The following CDK5RAP2 variants were observed in gnomAD, a reference collection of about 807,000 sequenced individuals.
CDK5RAP2 encodes CDK5 regulatory subunit associated protein 2.
Under a neutral mutation model 232.9 loss-of-function variants are expected in CDK5RAP2, and 147 were observed. The observed-to-expected ratio is 0.63, with a 90% CI of 0.55 to 0.72. The LOEUF (loss-of-function observed/expected upper bound fraction) is 0.72. CDK5RAP2 is among the 30% of genes least tolerant of loss of function. The probability of loss-of-function intolerance (pLI) is 0.00; values close to 1 mark genes in which losing one functional copy is unlikely to be tolerated. For missense variants in CDK5RAP2, 2,195 were observed against 2,231.5 expected, an observed-to-expected ratio of 0.98 and a Z score of 0.33; for synonymous variants, 833 against 833.7, an observed-to-expected ratio of 1.00 and a Z score of 0.01.
chr9:120,559,543 G>T, intron 3 of CDK5RAP2, among the ~76,000 whole-genome samples: 1 of 128,010 alleles, frequency 7.8e-6, no homozygotes, highest in African/African-American at 2.9e-5. Context: ...TTTTTCTCAT[G>T]TGTACTTTTC....
intron 21 of CDK5RAP2, among the ~76,000 whole-genome samples, chr9:120,451,484 C>T (rs1033521727): frequency 2.6e-5 from 4 of 152,128 alleles, no homozygotes; most frequent in Non-Finnish European, 5.9e-5. Flanking sequence ...CTTGTCTCAC[C>T]CTCGGGCTGC....
At chr9:120,525,986 A>G (rs1484296896) in intron 10 of CDK5RAP2, among the ~76,000 whole-genome samples, 3 of 152,120 alleles carry the variant, frequency 2.0e-5, no homozygotes, top group African/African-American at 7.2e-5. Context: ...CTCCTTAGCA[A>G]CACCCCCAGT....
At chr9:120,396,846 A>T (rs1415919768) in intron 35 of CDK5RAP2, among the ~76,000 whole-genome samples, 3 of 152,246 alleles carry the variant, frequency 2.0e-5, no homozygotes, top group Admixed American at 6.5e-5. Flanking sequence ...TTCATTTTAT[A>T]GGATGAATAT....
At chr9:120,565,727 C>A (rs1936228918) in intron 3 of CDK5RAP2, among the ~76,000 whole-genome samples, 1 of 152,164 alleles carries the variant, frequency 6.6e-6, no homozygotes, top group South Asian at 2.1e-4. Flanking sequence ...CCAAACCGTA[C>A]CTGTCCCTGA....
At chr9:120,408,992 G>A in intron 30 of CDK5RAP2, 135 bp downstream of exon 30, 1 of 800,606 alleles carries the variant, frequency 1.2e-6, no homozygotes, top group Admixed American at 2.0e-5. Context: ...AGGCGCACCA[G>A]ACGTACAATG....
intron 12 of CDK5RAP2, among the ~76,000 whole-genome samples, chr9:120,516,115 C>T (rs2040325182): frequency 6.6e-6 from 1 of 151,982 alleles, no homozygotes; most frequent in African/African-American, 2.4e-5. Flanking sequence ...TGGAACCAAC[C>T]CAAATGTCCA....
Position 120,579,943 on chromosome 9 carries a change from G to A in CDK5RAP2, c.36C>T (p.Val12=), listed in dbSNP as rs755732941. ...MDLVLEEDVT[V]PGTLSGCSGL... is the part of the protein sequence containing the mutation. ...ACCTGCAGCCGCTGAGCGTCCCAGGGACGGTGACGTCCTCTTCCAACACCA... is the reference window on the plus strand; with the variant it reads ...ACCTGCAGCCGCTGAGCGTCCCAGGAACGGTGACGTCCTCTTCCAACACCA... Residue 12 remains valine (V), a synonymous_variant, in exon 1 of 38, where the codon GTC becomes GTT. Transcript: ENST00000349780. 5.0e-6 allele frequency: 8 copies of A among 1,613,594 alleles called. No homozygotes were observed. Among genetic ancestry groups the A allele is most frequent in the Middle Eastern group, 1.6e-4 (1 of 6,062 alleles).
intron 20 of CDK5RAP2, 125 bp from the exon 21 acceptor site, chr9:120,453,998 G>A (rs1272938851): frequency 1.4e-5 from 14 of 971,486 alleles, no homozygotes; most frequent in Non-Finnish European, 2.1e-5. Flanking sequence ...AATACAGTGT[G>A]TACCCACAAC....
intron 25 of CDK5RAP2, among the ~76,000 whole-genome samples, chr9:120,435,629 G>A (rs2035538210): frequency 6.6e-6 from 1 of 152,010 alleles, no homozygotes. Context: ...GGCTCATTCA[G>A]GGCAGAAGCA....
chr9:120,421,677 G>A (rs982017176), intron 26 of CDK5RAP2, among the ~76,000 whole-genome samples: 5 of 152,194 alleles, frequency 3.3e-5, no homozygotes, highest in African/African-American at 4.8e-5. Context: ...GGCATTTTCA[G>A]TTGGCCATAG....
At chr9:120,428,432 C>A (rs1270436170) in intron 25 of CDK5RAP2, among the ~76,000 whole-genome samples, 1 of 152,172 alleles carries the variant, frequency 6.6e-6, no homozygotes, top group African/African-American at 2.4e-5. Flanking sequence ...GATATCACCA[C>A]CGATCCCAAA....
At chr9:120,430,203 A>G (rs2035195373) in intron 25 of CDK5RAP2, among the ~76,000 whole-genome samples, 1 of 152,216 alleles carries the variant, frequency 6.6e-6, no homozygotes. Flanking sequence ...AGGCATGGGC[A>G]AGGACTTCAT....
chr9:120,420,449 G>C (rs2034498861), intron 26 of CDK5RAP2, among the ~76,000 whole-genome samples: 1 of 152,128 alleles, frequency 6.6e-6, no homozygotes, highest in Non-Finnish European at 1.5e-5. Context: ...AGGAGAATGT[G>C]AGAGCCCAGC....
Position 120,439,806 on chromosome 9 carries a change from G to A in CDK5RAP2, c.3315C>T (p.Thr1105=). The A allele has an allele frequency of 6.2e-7, 1 of 1,614,118 alleles. No homozygotes were observed. The highest frequency in any genetic ancestry group is 1.1e-5 in the South Asian group (1 of 91,072). ...MGTDQSESIN[T]SNETEYLKQK... is the part of the protein sequence containing the mutation. ...GTTTTAAGTATTCTGTCTCATTTGA[G>A]GTATTAATGCTCTCTGACTGATCAG... Residue 1105 remains threonine (T), a synonymous_variant, in exon 24 of 38, where the codon ACC becomes ACT. Coordinates refer to ENST00000349780, the MANE Select transcript of CDK5RAP2 (RefSeq NM_018249.6).
At chr9:120,412,535 C>T (rs1408593348) in intron 28 of CDK5RAP2, among the ~76,000 whole-genome samples, 6 of 152,192 alleles carry the variant, frequency 3.9e-5, no homozygotes, top group Admixed American at 1.3e-4. Context: ...ATGCTCTGGA[C>T]GCTGTCTGAG....
At chr9:120,462,953 A>G (rs76931256) in intron 18 of CDK5RAP2, among the ~76,000 whole-genome samples, 2,287 of 152,320 alleles carry the variant, frequency 0.015, 57 homozygotes, top group African/African-American at 0.052. Context: ...AAGATGAGAC[A>G]GAGTGATGAT....
intron 3 of CDK5RAP2, among the ~76,000 whole-genome samples, chr9:120,565,556 A>G (rs527733938): frequency 4.1e-4 from 62 of 152,256 alleles, no homozygotes; most frequent in African/African-American, 1.4e-3. Flanking sequence ...GCCTGCTTCA[A>G]TGGCCTCACT....
At chr9:120,546,284 T>C (rs1457680189) in intron 4 of CDK5RAP2, among the ~76,000 whole-genome samples, 1 of 152,186 alleles carries the variant, frequency 6.6e-6, no homozygotes, top group East Asian at 1.9e-4. Flanking sequence ...GCATGTGTCA[T>C]TTCAATATAA....
Position 120,580,110 on chromosome 9 carries a change from C to T in CDK5RAP2, c.-132G>A. 1.7e-6 allele frequency: 1 copy of T among 593,648 alleles called. No individual in the cohort carries two copies. The highest frequency in any genetic ancestry group is 4.4e-4 in the Middle Eastern group (1 of 2,258). The allele number at this position is 593,648 out of a possible 1,614,324, so 36.8% of individuals were successfully genotyped here. On this transcript the variant is annotated 5_prime_UTR_variant, in exon 1 of 38. Coordinates refer to ENST00000349780, the MANE Select transcript of CDK5RAP2 (RefSeq NM_018249.6). ...GCTCTTGTTCAGACTCTGGCGGCGC[C>T]GCTGGAATTCAAACCACAGACGCCG...
Sources: gnomAD v4.1 joint callset for allele counts (sites outside exome capture counted in the v4.1 genomes callset) on GRCh38, gnomAD v4.1.1 for gene constraint, MANE v1.5 for transcripts, NCBI Gene and HGNC (gene_info 2026-07-23, HGNC 2026-07-21) for gene names.